KAZN: variants seen among roughly 807,000 people sequenced by gnomAD.
KAZN encodes the protein kazrin.
Under a neutral mutation model 87.4 loss-of-function variants are expected in KAZN, and 40 were observed. The observed-to-expected ratio is 0.46, with a 90% CI of 0.36 to 0.60. The LOEUF is 0.60. KAZN is among the 20% of genes least tolerant of loss of function. KAZN has a pLI of 0.00. For synonymous variants in KAZN, 466 were observed against 458.3 expected, an observed-to-expected ratio of 1.02 and a Z score of -0.22; for missense variants, 898 against 1,073.9, an observed-to-expected ratio of 0.84 and a Z score of 2.29.
chr1:14,568,850 C>A (rs1674691595), intron 2 of KAZN, among the ~76,000 whole-genome samples: 1 of 152,212 alleles, frequency 6.6e-6, no homozygotes, highest in Non-Finnish European at 1.5e-5. Flanking sequence ...TACGACGGAT[C>A]CGATGTGTCT....
intron 2 of KAZN, among the ~76,000 whole-genome samples, chr1:14,412,780 T>C (rs1487107422): frequency 1.3e-5 from 2 of 151,530 alleles, no homozygotes; most frequent in Non-Finnish European, 2.9e-5. Flanking sequence ...AAGTTATATA[T>C]GCAAAAGCAA....
intron 2 of KAZN, among the ~76,000 whole-genome samples, chr1:14,461,097 T>C (rs1434520163): frequency 6.6e-6 from 1 of 152,150 alleles, no homozygotes; most frequent in East Asian, 1.9e-4. Context: ...TGTCACTGCT[T>C]TTTAAACCCA....
At chr1:14,152,699 T>A (rs979843267) in intron 1 of KAZN, among the ~76,000 whole-genome samples, 5 of 152,238 alleles carry the variant, frequency 3.3e-5, no homozygotes, top group Non-Finnish European at 7.3e-5. Flanking sequence ...CTTTTGGGTA[T>A]GTACCTAGGA....
At chr1:15,054,232 C>T (rs1490866317) in intron 4 of KAZN, among the ~76,000 whole-genome samples, 1 of 151,994 alleles carries the variant, frequency 6.6e-6, no homozygotes, top group Non-Finnish European at 1.5e-5. Context: ...GAGGCAAAGC[C>T]AGCACTCACA....
At chr1:14,383,102 C>T (rs1177930963) in intron 2 of KAZN, among the ~76,000 whole-genome samples, 1 of 151,948 alleles carries the variant, frequency 6.6e-6, no homozygotes, top group Non-Finnish European at 1.5e-5. Context: ...TGTTTTTTGG[C>T]TGCATAAATG....
intron 1 of KAZN, among the ~76,000 whole-genome samples, chr1:14,650,770 A>G (rs1165178921): frequency 1.3e-5 from 2 of 152,198 alleles, no homozygotes; most frequent in African/African-American, 4.8e-5. Context: ...TTTCTATTGC[A>G]TTTAGAAACA....
chr1:14,027,462 T>A (rs187904477), intron 1 of KAZN, among the ~76,000 whole-genome samples: 1 of 152,324 alleles, frequency 6.6e-6, no homozygotes, highest in South Asian at 2.1e-4. Flanking sequence ...TTAATTTGTA[T>A]GTTAAGTTGC....
intron 1 of KAZN, among the ~76,000 whole-genome samples, chr1:14,665,284 G>A (rs1639457342): frequency 6.9e-6 from 1 of 144,702 alleles, no homozygotes; most frequent in Non-Finnish European, 1.5e-5. Flanking sequence ...ATGTCCAGTG[G>A]CTGCCTCTTT....
At chr1:14,595,351 T>A (rs556955864), upstream of KAZN, among the ~76,000 whole-genome samples, 111 of 152,166 alleles carry the variant, frequency 7.3e-4, no homozygotes, top group African/African-American at 2.6e-3. Context: ...TGAGGTCACC[T>A]CCGGAGGAGC....
upstream of KAZN, among the ~76,000 whole-genome samples, chr1:14,595,911 C>A (rs1676482793): frequency 1.3e-5 from 2 of 151,822 alleles, no homozygotes; most frequent in Admixed American, 1.3e-4. Flanking sequence ...TAGGAGGCAC[C>A]CCAGGAGTTT....
At chr1:14,078,593 T>C (rs562425392) in intron 1 of KAZN, among the ~76,000 whole-genome samples, 25 of 152,176 alleles carry the variant, frequency 1.6e-4, no homozygotes, top group African/African-American at 5.8e-4. Flanking sequence ...GCAGATTGAG[T>C]GTCTGGTGAG....
At chr1:14,656,165 G>A (rs935053824) in intron 1 of KAZN, among the ~76,000 whole-genome samples, 3 of 152,054 alleles carry the variant, frequency 2.0e-5, no homozygotes, top group Non-Finnish European at 4.4e-5. Flanking sequence ...CAGGACACAC[G>A]TTCAGGCGCA....
At chr1:14,680,797 T>C (rs1475886453) in intron 1 of KAZN, among the ~76,000 whole-genome samples, 1 of 152,144 alleles carries the variant, frequency 6.6e-6, no homozygotes, top group Non-Finnish European at 1.5e-5. Context: ...AGCTGAGGAG[T>C]ATTACATGGT....
At position 14,063,628 on chromosome 1, in the gene KAZN, G is replaced by A. The variant is rs138743649; in HGVS notation, c.92-116807G>A. ...TCAGAAGTATTTAAAAGTACATTAC[G>A]GTGGGACTTATATAGAGGTTTCAGG... On this transcript the variant is annotated intron_variant, in intron 1 of 16. Coordinates refer to the KAZN transcript ENST00000636203. 5.9e-4 allele frequency among the ~76,000 whole-genome samples: 90 copies of A among 152,206 alleles called. 1 individual carries two copies. The highest frequency in any genetic ancestry group is 2.1e-3 in the African/African-American group (87 of 41,528).
At chr1:14,397,056 T>A (rs1208498301) in intron 2 of KAZN, among the ~76,000 whole-genome samples, 2 of 152,232 alleles carry the variant, frequency 1.3e-5, no homozygotes, top group East Asian at 3.8e-4. Flanking sequence ...TTCTAGAGGC[T>A]ACAGTCAATG....
At chr1:14,581,372 C>T (rs1675535652) in intron 2 of KAZN, among the ~76,000 whole-genome samples, 1 of 152,180 alleles carries the variant, frequency 6.6e-6, no homozygotes, top group African/African-American at 2.4e-5. Flanking sequence ...TGTGGCTCCA[C>T]CTTCAATACT....
At chr1:14,386,614 TTTTC>T (rs1291945701) in intron 2 of KAZN, among the ~76,000 whole-genome samples, 1 of 152,136 alleles carries the variant, frequency 6.6e-6, no homozygotes, top group African/African-American at 2.4e-5. Context: ...TGGAAAATTC[TTTTC>T]TTTAAGAATG....
intron 2 of KAZN, among the ~76,000 whole-genome samples, chr1:15,014,917 G>A (rs4661563): frequency 0.39 from 59,418 of 152,018 alleles, 13,716 homozygotes; most frequent in South Asian, 0.53. Context: ...CTGGAGGCTG[G>A]CGCTTCTCTA....
chr1:14,452,995 A>G (rs1380162855), intron 2 of KAZN, among the ~76,000 whole-genome samples: 1 of 152,026 alleles, frequency 6.6e-6, no homozygotes, highest in Non-Finnish European at 1.5e-5. Flanking sequence ...TCCCTCTGTC[A>G]CCCAGGCTGG....
Sources: gnomAD v4.1 joint callset for allele counts (sites outside exome capture counted in the v4.1 genomes callset) on GRCh38, gnomAD v4.1.1 for gene constraint, MANE v1.5 for transcripts, NCBI Gene and HGNC (gene_info 2026-07-23, HGNC 2026-07-21) for gene names.